Variants in CACNA2D3 observed in about 807,000 individuals in gnomAD.
CACNA2D3 encodes the protein calcium voltage-gated channel auxiliary subunit alpha2delta 3.
A neutral mutation model predicts 160.6 loss-of-function variants in CACNA2D3; 60 were observed. The ratio of observed to expected loss-of-function variants is 0.37; its 90% CI spans 0.30 to 0.46. CACNA2D3 has a LOEUF of 0.46. CACNA2D3 is among the 20% of genes least tolerant of loss of function. The pLI is 1.00. For missense variants in CACNA2D3, 1,205 were observed against 1,365.0 expected (o/e 0.88, Z 1.85); for synonymous variants, 558 against 492.9 (o/e 1.13, Z -1.75).
chr3:54,882,741 A>C (rs1412049679), intron 21 of CACNA2D3, among the ~76,000 whole-genome samples: 1 of 152,088 alleles, frequency 6.6e-6, no homozygotes, highest in Non-Finnish European at 1.5e-5. Flanking sequence ...TCTCTCTAGG[A>C]GCCGTGGTGT....
intron 14 of CACNA2D3, among the ~76,000 whole-genome samples, chr3:54,823,890 A>G (rs780477020): frequency 4.5e-4 from 69 of 152,346 alleles, no homozygotes; most frequent in Non-Finnish European, 9.0e-4. Flanking sequence ...ATTCTGTATT[A>G]TGAGCGTACA....
At chr3:54,729,875 TGTA>T (rs1701352411) in intron 11 of CACNA2D3, among the ~76,000 whole-genome samples, 1 of 151,828 alleles carries the variant, frequency 6.6e-6, no homozygotes, top group Admixed American at 6.6e-5. Context: ...GGCAGGCGCC[TGTA>T]GTCCCAGTTA....
intron 2 of CACNA2D3, among the ~76,000 whole-genome samples, chr3:54,247,540 TTAAA>T (rs1186371895): frequency 1.3e-5 from 2 of 151,980 alleles, no homozygotes; most frequent in Non-Finnish European, 2.9e-5. Flanking sequence ...AGATAATGCC[TTAAA>T]TTAAGTAGAA....
At chr3:54,956,694 G>A (rs1450692537) in intron 27 of CACNA2D3, among the ~76,000 whole-genome samples, 5 of 152,034 alleles carry the variant, frequency 3.3e-5, no homozygotes, top group African/African-American at 7.2e-5. Flanking sequence ...GTAATCTTAA[G>A]GTAATGGCCT....
chr3:55,018,652 T>G lies in CACNA2D3; in HGVS notation c.2987+335T>G, dbSNP rs114493751. The stretch of plus-strand genomic sequence containing the variant: ...GTGTGTTCAAGAATGTCCTTACGTA[T>G]CTTTACTGAAGGCACAAGCCTTCAG... On this transcript the variant is annotated intron_variant, in intron 35 of 37. Transcript: ENST00000474759. 2.0e-3 allele frequency among the ~76,000 whole-genome samples: 308 copies of G among 152,188 alleles called. 1 individual carries two copies. Among genetic ancestry groups the G allele is most frequent in the African/African-American group, 6.9e-3 (288 of 41,534 alleles).
intron 2 of CACNA2D3, among the ~76,000 whole-genome samples, chr3:54,198,139 T>C (rs1701114450): frequency 6.6e-6 from 1 of 152,268 alleles, no homozygotes; most frequent in African/African-American, 2.4e-5. Context: ...TGTTCTTTAC[T>C]TGTGCATAAC....
intron 35 of CACNA2D3, among the ~76,000 whole-genome samples, chr3:55,072,966 A>T (rs1427102437): frequency 6.6e-6 from 1 of 152,234 alleles, no homozygotes; most frequent in Non-Finnish European, 1.5e-5. Flanking sequence ...GCAAAGCAGT[A>T]TAAGGAAGGC....
At position 54,675,693 on chromosome 3, in the gene CACNA2D3, C is replaced by T. The variant is rs547736014; in HGVS notation, c.1167+33452C>T. Among the ~76,000 whole-genome samples, 341 of 152,184 alleles carry T rather than the reference C, an allele frequency of 2.2e-3. 1 individual carries two copies. The highest frequency in any genetic ancestry group is 7.8e-3 in the African/African-American group (324 of 41,534). On this transcript the variant is annotated intron_variant, in intron 11 of 37. Transcript: ENST00000474759. Reference sequence around the variant, plus strand: ...TCATATTTCAGTCTTGTAAATGCACCTCCATAGTTGTGCTTGAGGCAAACT... The same window carrying T: ...TCATATTTCAGTCTTGTAAATGCACTTCCATAGTTGTGCTTGAGGCAAACT...
chr3:54,287,366 G>T (rs1703059708), intron 2 of CACNA2D3, among the ~76,000 whole-genome samples: 2 of 151,892 alleles, frequency 1.3e-5, no homozygotes, highest in South Asian at 4.2e-4. Flanking sequence ...AATTCAACAA[G>T]AAGAGCTAAC....
At chr3:54,321,086 G>A (rs1164864154) in intron 3 of CACNA2D3, among the ~76,000 whole-genome samples, 1 of 152,262 alleles carries the variant, frequency 6.6e-6, no homozygotes, top group African/African-American at 2.4e-5. Flanking sequence ...TTGGGAGGCC[G>A]AGGCAGGCAG....
intron 9 of CACNA2D3, among the ~76,000 whole-genome samples, chr3:54,600,823 T>C (rs1223050387): frequency 1.3e-5 from 2 of 151,940 alleles, no homozygotes; most frequent in Non-Finnish European, 2.9e-5. Flanking sequence ...AGCAAACATT[T>C]CACCAGTGCA....
intron 5 of CACNA2D3, among the ~76,000 whole-genome samples, chr3:54,532,996 C>G (rs1701828888): frequency 6.6e-6 from 1 of 152,186 alleles, no homozygotes; most frequent in Admixed American, 6.5e-5. Context: ...GCCATTCTTA[C>G]TAGTGTAAGA....
chr3:54,249,647 A>G (rs959956794), intron 2 of CACNA2D3, among the ~76,000 whole-genome samples: 8 of 137,708 alleles, frequency 5.8e-5, no homozygotes, highest in Non-Finnish European at 1.2e-4. Flanking sequence ...CTTAGAACAA[A>G]TCTCTCTGTT....
chr3:54,470,014 A>T (rs1302676017), intron 4 of CACNA2D3, among the ~76,000 whole-genome samples: 1 of 152,216 alleles, frequency 6.6e-6, no homozygotes. Flanking sequence ...TCTTCAGGAT[A>T]TTATGCCGGA....
intron 13 of CACNA2D3, among the ~76,000 whole-genome samples, chr3:54,814,631 GCT>G (rs2106708402): frequency 6.6e-6 from 1 of 152,312 alleles, no homozygotes; most frequent in East Asian, 1.9e-4. Flanking sequence ...TAGGAAAGTT[GCT>G]CTTTGTTCTC....
chr3:54,502,695 A>AT (rs1701313301), intron 4 of CACNA2D3, among the ~76,000 whole-genome samples: 1 of 152,138 alleles, frequency 6.6e-6, no homozygotes, highest in Non-Finnish European at 1.5e-5. Flanking sequence ...CAGCTGTGTA[A>AT]TTTTTTGCAG....
chr3:54,476,482 C>A (rs1314196430), intron 4 of CACNA2D3, among the ~76,000 whole-genome samples: 1 of 152,052 alleles, frequency 6.6e-6, no homozygotes. Flanking sequence ...GGAACCACCA[C>A]ACTGTTTTCC....
chr3:54,833,870 T>G (rs1481265392), intron 14 of CACNA2D3, among the ~76,000 whole-genome samples: 5 of 152,098 alleles, frequency 3.3e-5, no homozygotes, highest in African/African-American at 1.2e-4. Flanking sequence ...GCCTACGGGT[T>G]AGGGTTCTGG....
At chr3:54,167,364 G>A (rs1700478839) in intron 2 of CACNA2D3, among the ~76,000 whole-genome samples, 1 of 152,118 alleles carries the variant, frequency 6.6e-6, no homozygotes, top group South Asian at 2.1e-4. Context: ...TCTGATTAAT[G>A]CCTCCCCAGC....
Sources: allele counts gnomAD v4.1 joint callset (sites outside exome capture counted in the v4.1 genomes callset), GRCh38; gene constraint gnomAD v4.1.1; transcripts MANE v1.5; gene names NCBI Gene and HGNC (gene_info 2026-07-23, HGNC 2026-07-21).